The following SLC30A3 variants were observed in gnomAD, a reference collection of about 807,000 sequenced individuals.
SLC30A3 encodes the protein probable proton-coupled zinc antiporter SLC30A3.
Under a neutral mutation model 35.6 loss-of-function variants are expected in SLC30A3, and 20 were observed. That is an observed-to-expected ratio of 0.56 (90% CI 0.39 to 0.82). SLC30A3 has a LOEUF of 0.82. Among genes scored for constraint, SLC30A3 ranks in the 40% least tolerant of loss-of-function variants. The probability of loss-of-function intolerance (pLI) is 0.00; values close to 1 mark genes in which losing one functional copy is unlikely to be tolerated. For synonymous variants in SLC30A3, 217 were observed against 224.7 expected, an observed-to-expected ratio of 0.97 and a Z score of 0.31; for missense variants, 401 against 530.6, an observed-to-expected ratio of 0.76 and a Z score of 2.40.
At chr2:27,266,794 G>A (rs1677514811), upstream of SLC30A3, among the ~76,000 whole-genome samples, 1 of 152,186 alleles carries the variant, frequency 6.6e-6, no homozygotes, top group South Asian at 2.1e-4. Flanking sequence ...CTACTTGTGA[G>A]GCTGAGGCAG....
upstream of SLC30A3, chr2:27,263,168 C>A: frequency 8.0e-7 from 1 of 1,246,366 alleles, no homozygotes. Flanking sequence ...AGCCCCGCCC[C>A]CACTGCCAAA....
At chr2:27,261,799 C>T (rs920103603) in intron 1 of SLC30A3, among the ~76,000 whole-genome samples, 3 of 152,022 alleles carry the variant, frequency 2.0e-5, no homozygotes, top group Non-Finnish European at 4.4e-5. Context: ...AGAGCCCCCA[C>T]CGCGTCTCTG....
rs371039560 is a variant in SLC30A3, at chr2:27,254,759, AACACACACACACACACACACAC to A, written c.*531_*552del. 0.023 allele frequency: 4,006 copies of A among 176,316 alleles called. 184 individuals carry two copies. The highest frequency in any genetic ancestry group is 0.093 in the African/African-American group (3,746 of 40,134). 10.9% of individuals were successfully genotyped at this position (176,316 alleles called of 1,614,324 possible). ...GAGACACACAGGCCACAGCACCAAG[AACACACACACACACACACACAC>A]ACACACACACACACACACAGACAAA... On this transcript the variant is annotated 3_prime_UTR_variant, in exon 8 of 8. Transcript: ENST00000233535.
chr2:27,254,998 C>T lies in SLC30A3; in HGVS notation c.*314G>A, dbSNP rs1320750398. 7.1e-6 allele frequency: 8 copies of T among 1,121,286 alleles called. No homozygotes were observed. The highest frequency in any genetic ancestry group is 9.4e-6 in the Non-Finnish European group (8 of 854,360). 69.5% of individuals were successfully genotyped at this position (1,121,286 alleles called of 1,614,324 possible). On this transcript the variant is annotated 3_prime_UTR_variant, in exon 8 of 8. Transcript: ENST00000233535. ...AAATGGACTGCAGGGAAAGGATGTT[C>T]GTGGCTCCACATGAACCATGGGGAG...
chr2:27,258,775 G>C lies in SLC30A3; in HGVS notation c.255C>G (p.Val85=), dbSNP rs779038728. The C allele has an allele frequency of 6.2e-7, 1 of 1,614,210 alleles. No individual in the cohort carries two copies. The highest frequency in any genetic ancestry group is 1.1e-5 in the South Asian group (1 of 91,084). The change falls in exon 2 of 8, where the codon GTC becomes GTG. Residue 85 remains valine (V), a synonymous_variant. Transcript: ENST00000233535. The surrounding 1 kb of genome is among the most constrained non-coding windows in gnomAD (Gnocchi z 4.0). ...TACCGACCACCTCCCCAGCCATGAAGACAAAGCAAACGGCACAGGCAGCAT... is the reference window on the plus strand; with the variant it reads ...TACCGACCACCTCCCCAGCCATGAACACAAAGCAAACGGCACAGGCAGCAT... ...QLYAACAVCF[V]FMAGEVVGGY...
At position 27,257,313 on chromosome 2, in the gene SLC30A3, G is replaced by T; in HGVS notation, c.618C>A (p.Ser206Arg). Residue 206 changes from serine to arginine, a missense_variant, in exon 5 of 8, where the codon AGC becomes AGA. Physicochemically the swap from Ser to Arg is moderately radical, Grantham distance 110. Around this residue, in one of 3 missense-constraint regions of SLC30A3, gnomAD observed 296 missense variants for 392.6 expected, o/e 0.75. Transcript: ENST00000233535. This position sits in a 1 kb window ranked among gnomAD's most constrained non-coding sequence, Gnocchi z 4.7. ...CATACTCTGCTCCCCTAGACCCGTG[G>T]CTGTGGGGGGGCCCAGCCTGGTGCA... ...FVLHQAGPPHSHGSRGAEYAP... is the reference protein window; with the variant it reads ...FVLHQAGPPHRHGSRGAEYAP... 1.2e-6 allele frequency: 2 copies of T among 1,613,684 alleles called. No individual in the cohort carries two copies. Among genetic ancestry groups the T allele is most frequent in the Non-Finnish European group, 1.7e-6 (2 of 1,179,836 alleles).
rs545144133 is a variant in SLC30A3, at chr2:27,268,398, A to G, written c.-158-4316T>C. ...TATGTGGAGAAATGGTGTGACAGCAATGGTACAGAGGTGAAGAAAAACAGA... is the reference window on the plus strand; with the variant it reads ...TATGTGGAGAAATGGTGTGACAGCAGTGGTACAGAGGTGAAGAAAAACAGA... On this transcript the variant is annotated intron_variant, in intron 1 of 5. Coordinates refer to the SLC30A3 transcript ENST00000424577. 2.3e-4 allele frequency among the ~76,000 whole-genome samples: 35 copies of G among 152,350 alleles called. No individual in the cohort carries two copies. The South Asian group carries it at 6.8e-3, about 30-fold the overall frequency.
At chr2:27,270,398 G>A (rs1001564837) in intron 1 of SLC30A3, among the ~76,000 whole-genome samples, 17 of 152,054 alleles carry the variant, frequency 1.1e-4, no homozygotes, top group African/African-American at 4.1e-4. Flanking sequence ...AGAAAATGGG[G>A]TTCTAAGAGG....
At chr2:27,275,104 G>T in intron 1 of SLC30A3, 1 of 1,052,568 alleles carries the variant, frequency 9.5e-7, no homozygotes, top group Non-Finnish European at 1.3e-6. Context: ...GAGGGACCAA[G>T]CGGAGAGCCC....
chr2:27,263,245 C>T, upstream of SLC30A3: 1 of 561,980 alleles, frequency 1.8e-6, no homozygotes, highest in Non-Finnish European at 3.1e-6. Context: ...CTCCTCATCT[C>T]CACAGCCCCG....
rs72858465 is a variant in SLC30A3, at chr2:27,262,946, A to C, written c.-40T>G. The C allele has an allele frequency of 2.0e-6, 3 of 1,493,868 alleles. No homozygotes were observed. The Admixed American group carries it at 8.3e-5, about 41-fold the overall frequency. 92.5% of individuals were successfully genotyped at this position (1,493,868 alleles called of 1,614,324 possible). On this transcript the variant is annotated 5_prime_UTR_variant, in exon 1 of 8. Transcript: ENST00000233535. The surrounding 1 kb of genome is among the most constrained non-coding windows in gnomAD (Gnocchi z 7.5). ...GACCGTCTAGGCCCCACCGAGGAAG[A>C]GAGAGGCCGGGCCGGCCCCGCGCCA...
chr2:27,263,204 G>T, upstream of SLC30A3: 1 of 841,728 alleles, frequency 1.2e-6, no homozygotes. Context: ...GCCAGAGCCC[G>T]GGAGCGCCCC....
At chr2:27,272,718 G>T (rs541420814) in intron 1 of SLC30A3, among the ~76,000 whole-genome samples, 2 of 151,480 alleles carry the variant, frequency 1.3e-5, no homozygotes, top group Non-Finnish European at 2.9e-5. Context: ...GAGCCACTGC[G>T]CCTGGCCAAC....
intron 1 of SLC30A3, among the ~76,000 whole-genome samples, chr2:27,272,992 C>CAG (rs1677790161): frequency 6.7e-6 from 1 of 148,510 alleles, no homozygotes. Context: ...GTTGTGGCTG[C>CAG]TGAGCTGTGA....
In SLC30A3 at chr2:27,262,776, G is replaced by A. The variant is rs763875170; in HGVS notation, c.95+36C>T. On this transcript the variant is annotated intron_variant, in intron 1 of 7. Transcript: ENST00000233535. This position sits in a 1 kb window ranked among gnomAD's most constrained non-coding sequence, Gnocchi z 7.5. ...AATGGACGGAGGGTAGTAGGGTGGC[G>A]CCCCCGGGCCGAGGGCCAGCCCAGG... 10 of 1,486,528 alleles carry A rather than the reference G, an allele frequency of 6.7e-6. No homozygotes were observed. The highest frequency in any genetic ancestry group is 4.4e-6 in the Non-Finnish European group (5 of 1,123,860). 92.1% of individuals were successfully genotyped at this position (1,486,528 alleles called of 1,614,324 possible).
Position 27,257,806 on chromosome 2 carries a change from CTG to C in SLC30A3, c.578+97_578+98del. 1 of 1,222,154 alleles carries C rather than the reference CTG, an allele frequency of 8.2e-7. No homozygotes were observed. The highest frequency in any genetic ancestry group is 1.2e-6 in the Non-Finnish European group (1 of 861,186). 75.7% of individuals were successfully genotyped at this position (1,222,154 alleles called of 1,614,324 possible). A position where few individuals can be genotyped will look rare whatever the true frequency, so the allele number is the denominator to read the frequency against. Reference sequence around the variant, plus strand: ...CCCATGGAGAGCTGTGTGTGCGTGTCTGTGTGTCTGGTGGGGAGGAGAGAGCC... The same window carrying C: ...CCCATGGAGAGCTGTGTGTGCGTGTCTGTGTCTGGTGGGGAGGAGAGAGCC... On this transcript the variant is annotated intron_variant, in intron 4 of 7. Transcript: ENST00000233535. This position sits in a 1 kb window ranked among gnomAD's most constrained non-coding sequence, Gnocchi z 4.7.
In SLC30A3 at chr2:27,256,412, T is replaced by C. The variant is rs374976347; in HGVS notation, c.992A>G (p.His331Arg). Residue 331 changes from histidine (H) to arginine (R), a missense_variant, in exon 7 of 8, where the codon CAT becomes CGT. Coordinates refer to ENST00000233535, the MANE Select transcript of SLC30A3 (RefSeq NM_003459.5). The stretch of plus-strand genomic sequence containing the variant: ...GATGGCCAGGTGTGCAGAGGCAACA[T>C]GGTAAGTGAGCGTAAGGGCCCACAG... Reference protein sequence around the residue: ...LHLWALTLTYHVASAHLAIDS... With the variant: ...LHLWALTLTYRVASAHLAIDS... The C allele has an allele frequency of 3.7e-6, 6 of 1,614,026 alleles. No individual in the cohort carries two copies. The highest frequency in any genetic ancestry group is 1.7e-5 in the Admixed American group (1 of 60,020).
intron 6 of SLC30A3, 22 bp downstream of exon 6, chr2:27,256,766 G>T (rs915795200): frequency 2.0e-6 from 3 of 1,527,618 alleles, no homozygotes; most frequent in South Asian, 2.3e-5. Context: ...ACAGGGATGG[G>T]GAGCTGTGGT....
chr2:27,254,977 G>T lies in SLC30A3; in HGVS notation c.*335C>A. On this transcript the variant is annotated 3_prime_UTR_variant, in exon 8 of 8. Transcript: ENST00000233535. ...CAGCCAGCCTGCCACACAGACAAAT[G>T]GACTGCAGGGAAAGGATGTTCGTGG... The T allele has an allele frequency of 1.1e-6, 1 of 942,108 alleles. No homozygotes were observed. The highest frequency in any genetic ancestry group is 1.4e-6 in the Non-Finnish European group (1 of 703,260). 58.4% of individuals were successfully genotyped at this position (942,108 alleles called of 1,614,324 possible).
Sources: gnomAD v4.1 joint callset for allele counts (sites outside exome capture counted in the v4.1 genomes callset) on GRCh38, gnomAD v4.1.1 for gene constraint, gnomAD v4.1.1 regional missense constraint, Gnocchi (gnomAD v3.1) non-coding constraint, MANE v1.5 for transcripts, NCBI Gene and HGNC (gene_info 2026-07-23, HGNC 2026-07-21) for gene names.